CNTN4: variants seen among roughly 807,000 people sequenced by gnomAD.
CNTN4 encodes the protein contactin-4.
In CNTN4, 77 loss-of-function variants were observed where a neutral mutation model predicts 122.5. The ratio of observed to expected loss-of-function variants is 0.63; its 90% CI spans 0.52 to 0.76. The LOEUF (loss-of-function observed/expected upper bound fraction) is 0.76. Ranked by LOEUF, CNTN4 falls within the 30% of genes least tolerant of loss-of-function variation. The pLI is 0.00. For missense variants in CNTN4, 1,256 were observed against 1,259.1 expected (o/e 1.00, Z 0.04); for synonymous variants, 512 against 447.0 (o/e 1.15, Z -1.83).
At chr3:2,389,751 C>A (rs1421572577) in intron 3 of CNTN4, among the ~76,000 whole-genome samples, 2 of 152,070 alleles carry the variant, frequency 1.3e-5, no homozygotes, top group East Asian at 1.9e-4. Flanking sequence ...CCAACTGAAT[C>A]AAGTGATCAA....
chr3:2,265,764 A>AT (rs34436891), intron 2 of CNTN4, among the ~76,000 whole-genome samples: 1,297 of 95,730 alleles, frequency 0.014, 18 homozygotes, highest in East Asian at 0.1. Context: ...ATATATATAT[A>AT]TTTTTTTTTG....
Position 2,737,827 on chromosome 3 carries a change from T to C in CNTN4, c.182+1486T>C, listed in dbSNP as rs563713574. On this transcript the variant is annotated intron_variant, in intron 5 of 24. Transcript: ENST00000418658. ...AAGGGCTACATCTTTACAGTAAATG[T>C]GAACAAGAAATAAGCTTGACTTCCA... Among the ~76,000 whole-genome samples the C allele has an allele frequency of 3.9e-5, 6 of 152,260 alleles. No individual in the cohort carries two copies. In the South Asian group the frequency reaches 1.2e-3, roughly 32 times the overall value.
chr3:2,161,059 A>G (rs2035946591), intron 2 of CNTN4, among the ~76,000 whole-genome samples: 1 of 152,116 alleles, frequency 6.6e-6, no homozygotes, highest in African/African-American at 2.4e-5. Context: ...GGGGAGTCAA[A>G]GATGGAGGCT....
chr3:2,261,974 C>G (rs1455061564), intron 2 of CNTN4, among the ~76,000 whole-genome samples: 4 of 152,174 alleles, frequency 2.6e-5, no homozygotes, highest in African/African-American at 9.7e-5. Context: ...CCTCACAAAT[C>G]ACATTGTCTC....
chr3:2,874,848 C>G (rs1028953670), intron 8 of CNTN4, among the ~76,000 whole-genome samples: 3 of 152,170 alleles, frequency 2.0e-5, no homozygotes, highest in Admixed American at 2.0e-4. Context: ...TTGGCAAACT[C>G]TTTCCCACAG....
At chr3:2,521,352 C>CT (rs61070664) in intron 3 of CNTN4, among the ~76,000 whole-genome samples, 3 of 32,638 alleles carry the variant, frequency 9.2e-5, no homozygotes, top group African/African-American at 1.3e-4. Flanking sequence ...ATCCCCCCCA[C>CT]CCCCCGCAAT....
intron 3 of CNTN4, among the ~76,000 whole-genome samples, chr3:2,400,428 C>CACATATATATAT (rs1553640929): frequency 3.1e-5 from 3 of 95,824 alleles, no homozygotes; most frequent in African/African-American, 7.3e-5. Flanking sequence ...TATATATATA[C>CACATATATATAT]ATATATATAT....
At chr3:2,877,027 C>G (rs563432325) in intron 8 of CNTN4, among the ~76,000 whole-genome samples, 3 of 152,102 alleles carry the variant, frequency 2.0e-5, no homozygotes, top group South Asian at 4.1e-4. Context: ...GAAACTCAAG[C>G]CTTTCAGTTG....
intron 3 of CNTN4, among the ~76,000 whole-genome samples, chr3:2,487,102 G>C (rs904025025): frequency 2.6e-5 from 4 of 152,054 alleles, no homozygotes; most frequent in Non-Finnish European, 4.4e-5. Context: ...GATCCACAAA[G>C]GGCAGTTTGT....
chr3:2,745,422 A>G, intron 5 of CNTN4, 100 bp from the exon 6 acceptor site: 1 of 1,025,354 alleles, frequency 9.8e-7, no homozygotes, highest in East Asian at 2.5e-5. Flanking sequence ...AAAGTCACAA[A>G]TGATTTTTCA....
intron 10 of CNTN4, among the ~76,000 whole-genome samples, chr3:2,891,333 A>G (rs60326092): frequency 0.49 from 73,711 of 151,794 alleles, 18,220 homozygotes; most frequent in East Asian, 0.67. Context: ...GGTAGTCCCA[A>G]CTACACGGGA....
chr3:2,370,809 T>C (rs1437527642), intron 3 of CNTN4, among the ~76,000 whole-genome samples: 1 of 152,188 alleles, frequency 6.6e-6, no homozygotes, highest in Non-Finnish European at 1.5e-5. Flanking sequence ...GGTGAATATA[T>C]ACCAGTTTTC....
intron 17 of CNTN4, 26 bp from the exon 18 acceptor site, chr3:3,037,153 A>T: frequency 5.0e-6 from 8 of 1,613,938 alleles, no homozygotes; most frequent in Non-Finnish European, 6.8e-6. Flanking sequence ...CCTATGAAAC[A>T]GCCCCCACCT....
intron 4 of CNTN4, among the ~76,000 whole-genome samples, chr3:2,702,590 C>T (rs1049352020): frequency 6.6e-6 from 1 of 152,198 alleles, no homozygotes; most frequent in Non-Finnish European, 1.5e-5. Context: ...TGCTCTCTAT[C>T]AAGGTGTGAG....
intron 3 of CNTN4, among the ~76,000 whole-genome samples, chr3:2,451,356 C>T (rs1259440423): frequency 6.6e-6 from 1 of 151,318 alleles, no homozygotes; most frequent in Non-Finnish European, 1.5e-5. Context: ...GGGGCATCAC[C>T]AGCAAGCTTC....
intron 2 of CNTN4, among the ~76,000 whole-genome samples, chr3:2,171,470 T>G (rs2036509017): frequency 1.3e-5 from 2 of 152,202 alleles, no homozygotes; most frequent in African/African-American, 4.8e-5. Flanking sequence ...AATTACACAG[T>G]GGAGATTTTT....
At chr3:2,659,948 C>G (rs1430300678) in intron 4 of CNTN4, among the ~76,000 whole-genome samples, 2 of 152,196 alleles carry the variant, frequency 1.3e-5, no homozygotes, top group Non-Finnish European at 2.9e-5. Flanking sequence ...GCTTCATTTT[C>G]TCACTATACC....
intron 2 of CNTN4, among the ~76,000 whole-genome samples, chr3:2,289,022 C>A (rs1233591027): frequency 2.0e-5 from 3 of 152,116 alleles, no homozygotes; most frequent in Non-Finnish European, 4.4e-5. Flanking sequence ...ATAATCCAAT[C>A]CCATACCCAG....
chr3:2,595,077 A>C (rs2080703115), intron 4 of CNTN4, among the ~76,000 whole-genome samples: 2 of 152,186 alleles, frequency 1.3e-5, no homozygotes, highest in Non-Finnish European at 2.9e-5. Context: ...TCCAAGCTAT[A>C]CATTAGTGGG....
Sources: gnomAD v4.1 joint callset for allele counts (sites outside exome capture counted in the v4.1 genomes callset) on GRCh38, gnomAD v4.1.1 for gene constraint, MANE v1.5 for transcripts, NCBI Gene and HGNC (gene_info 2026-07-23, HGNC 2026-07-21) for gene names.